CCDC126: variants seen among roughly 807,000 people sequenced by gnomAD.
The protein encoded by CCDC126 is coiled-coil domain-containing protein 126.
CCDC126 carries 5 observed loss-of-function variants against 11.7 expected under a neutral mutation model. The ratio of observed to expected loss-of-function variants is 0.43; its 90% confidence interval spans 0.22 to 0.90. CCDC126 has a LOEUF of 0.90. Among genes scored for constraint, CCDC126 ranks in the 40% least tolerant of loss-of-function variants. CCDC126 has a pLI of 0.27. For synonymous variants in CCDC126, 60 were observed against 61.9 expected (o/e 0.97, Z 0.14); for missense variants, 150 against 163.1 (o/e 0.92, Z 0.44).
chr7:23,639,504 C>T (rs917461042), intron 3 of CCDC126, among the ~76,000 whole-genome samples: 4 of 152,072 alleles, frequency 2.6e-5, no homozygotes, highest in African/African-American at 7.3e-5. Flanking sequence ...CGCACCCAGT[C>T]CTCTTTATAT....
chr7:23,602,756 C>T (rs1380560717), intron 2 of CCDC126, among the ~76,000 whole-genome samples: 1 of 152,082 alleles, frequency 6.6e-6, no homozygotes, highest in Non-Finnish European at 1.5e-5. Flanking sequence ...ATTCTTTGAC[C>T]TCACACCTCA....
chr7:23,605,399 T>TTGTGTG (rs3219575), intron 2 of CCDC126, among the ~76,000 whole-genome samples: 19 of 148,824 alleles, frequency 1.3e-4, no homozygotes, highest in Non-Finnish European at 2.4e-4. Flanking sequence ...TGTGATATGC[T>TTGTGTG]TGTGTGTGTG....
chr7:23,619,351 A>G (rs373454043), intron 3 of CCDC126: 1 of 363,860 alleles, frequency 2.7e-6, no homozygotes, highest in Non-Finnish European at 5.3e-6. Flanking sequence ...GCAAAAGAAC[A>G]CAAGGAAGTA....
intron 3 of CCDC126, among the ~76,000 whole-genome samples, chr7:23,629,434 T>A (rs1425586297): frequency 6.6e-6 from 1 of 152,224 alleles, no homozygotes; most frequent in Admixed American, 6.5e-5. Flanking sequence ...AGAAATCAAT[T>A]TCTATTAATT....
intron 2 of CCDC126, among the ~76,000 whole-genome samples, chr7:23,603,886 A>G (rs915157723): frequency 9.2e-5 from 14 of 152,198 alleles, no homozygotes; most frequent in African/African-American, 2.2e-4. Flanking sequence ...GTTCTTGCCC[A>G]TAAGGGACCT....
At chr7:23,619,889 T>C (rs1465715914) in intron 3 of CCDC126, among the ~76,000 whole-genome samples, 3 of 151,992 alleles carry the variant, frequency 2.0e-5, no homozygotes, top group Admixed American at 6.6e-5. Context: ...GCTTCATCCA[T>C]GTCCCTACAA....
chr7:23,615,448 C>G (rs1195556162), intron 3 of CCDC126, among the ~76,000 whole-genome samples: 1 of 152,174 alleles, frequency 6.6e-6, no homozygotes, highest in Admixed American at 6.5e-5. Flanking sequence ...AGCTGTTTTT[C>G]TTTCTTATTG....
At chr7:23,605,997 T>C (rs1203214923) in intron 2 of CCDC126, among the ~76,000 whole-genome samples, 1 of 152,042 alleles carries the variant, frequency 6.6e-6, no homozygotes, top group African/African-American at 2.4e-5. Flanking sequence ...TTTTTGTGTG[T>C]GTGTGTGTGT....
rs150679888 is a variant in CCDC126 at position 23,608,037 on chromosome 7, A to T, written c.-145-3134A>T. Among the ~76,000 whole-genome samples the T allele has an allele frequency of 7.1e-4, 108 of 152,340 alleles. No homozygotes were observed. The Middle Eastern group carries it at 0.01, about 14-fold the overall frequency. ...CGAATATACATATTTAATAAGTTTAAGGCGTCATGAATATTTATGAAAGGA... is the reference window on the plus strand; with the variant it reads ...CGAATATACATATTTAATAAGTTTATGGCGTCATGAATATTTATGAAAGGA... On this transcript the variant is annotated intron_variant, in intron 2 of 3. Transcript: ENST00000307471.
intron 3 of CCDC126, among the ~76,000 whole-genome samples, chr7:23,624,731 C>A (rs1047252981): frequency 2.6e-5 from 4 of 152,292 alleles, no homozygotes; most frequent in Admixed American, 1.3e-4. Context: ...AAAATGGCAT[C>A]GTACTGTACA....
At chr7:23,628,270 AAGTC>A (rs1041911738) in intron 3 of CCDC126, among the ~76,000 whole-genome samples, 1 of 152,152 alleles carries the variant, frequency 6.6e-6, no homozygotes, top group African/African-American at 2.4e-5. Flanking sequence ...GGAGGAGAAA[AAGTC>A]AGACAGTCTA....
At position 23,634,223 on chromosome 7, in the gene CCDC126, A is replaced by G. The variant is rs1440341634; in HGVS notation, c.239-8708A>G. On this transcript the variant is annotated intron_variant, in intron 3 of 3. Coordinates refer to ENST00000307471, the MANE Select transcript of CCDC126 (RefSeq NM_138771.4). ...CCCTTTGGGAGGCTGAGGTGGATGG[A>G]TTGCCTGAGCCCAGGAGTTCAAGAG... 2.0e-5 allele frequency among the ~76,000 whole-genome samples: 3 copies of G among 152,306 alleles called. No individual in the cohort carries two copies. The East Asian group carries it at 5.8e-4, about 29-fold the overall frequency.
chr7:23,642,203 G>A (rs1355346552), intron 3 of CCDC126, among the ~76,000 whole-genome samples: 1 of 151,862 alleles, frequency 6.6e-6, no homozygotes, highest in Non-Finnish European at 1.5e-5. Flanking sequence ...TAGTAGAGAC[G>A]GGGTTTCACC....
chr7:23,631,728 C>T (rs1004481325), intron 3 of CCDC126, among the ~76,000 whole-genome samples: 1 of 151,536 alleles, frequency 6.6e-6, no homozygotes, highest in Non-Finnish European at 1.5e-5. Flanking sequence ...GCCACTGCAC[C>T]TCAGCCTGGG....
intron 3 of CCDC126, chr7:23,622,820 A>G (rs1782941317): frequency 2.8e-5 from 12 of 432,642 alleles, no homozygotes; most frequent in South Asian, 2.0e-4. Flanking sequence ...GAGCCCCTCC[A>G]TTCTAAATCT....
intron 3 of CCDC126, among the ~76,000 whole-genome samples, chr7:23,634,705 GA>G (rs1783176586): frequency 6.6e-6 from 1 of 152,202 alleles, no homozygotes; most frequent in Non-Finnish European, 1.5e-5. Flanking sequence ...GAGGAATTTG[GA>G]AAGTAGGAGG....
chr7:23,609,977 G>T (rs768326327), intron 2 of CCDC126, among the ~76,000 whole-genome samples: 18 of 152,198 alleles, frequency 1.2e-4, no homozygotes, highest in Non-Finnish European at 2.1e-4. Context: ...TCTATCTAAA[G>T]AATTTTGCTC....
chr7:23,639,867 A>G (rs1783322531), intron 3 of CCDC126, among the ~76,000 whole-genome samples: 1 of 152,180 alleles, frequency 6.6e-6, no homozygotes, highest in Non-Finnish European at 1.5e-5. Context: ...TATCGATAAC[A>G]ACATTTGCCA....
intron 3 of CCDC126, among the ~76,000 whole-genome samples, chr7:23,616,422 T>C (rs1245639826): frequency 1.3e-5 from 2 of 152,208 alleles, no homozygotes; most frequent in African/African-American, 4.8e-5. Flanking sequence ...TATCCCCTGA[T>C]TTTAAGGGAA....
Sources: allele counts gnomAD v4.1 joint callset (sites outside exome capture counted in the v4.1 genomes callset), GRCh38; gene constraint gnomAD v4.1.1; transcripts MANE v1.5; gene names NCBI Gene and HGNC (gene_info 2026-07-23, HGNC 2026-07-21).